ARRB1: variants seen among roughly 807,000 people sequenced by gnomAD.
ARRB1 encodes arrestin beta 1.
Under a neutral mutation model 56.8 loss-of-function variants are expected in ARRB1, and 21 were observed. The observed-to-expected ratio is 0.37, with a 90% CI of 0.26 to 0.53. ARRB1 has a LOEUF of 0.53. ARRB1 is among the 20% of genes least tolerant of loss of function. The pLI is 0.88. For synonymous variants in ARRB1, 210 were observed against 218.6 expected (o/e 0.96, Z 0.35); for missense variants, 424 against 553.7 (o/e 0.77, Z 2.35).
chr11:75,310,510 C>G (rs966624186), intron 1 of ARRB1, among the ~76,000 whole-genome samples: 1 of 152,198 alleles, frequency 6.6e-6, no homozygotes, highest in Admixed American at 6.5e-5. Flanking sequence ...ATTTTATACT[C>G]TCTGTGTATC....
intron 8 of ARRB1, among the ~76,000 whole-genome samples, chr11:75,278,139 T>TG (rs1376094278): frequency 6.6e-6 from 1 of 152,208 alleles, no homozygotes; most frequent in Non-Finnish European, 1.5e-5. Context: ...GCCCACACCT[T>TG]GAGGAGGGGC....
chr11:75,271,651 T>A, intron 13 of ARRB1, 50 bp downstream of exon 13: 1 of 1,542,202 alleles, frequency 6.5e-7, no homozygotes, highest in Non-Finnish European at 8.8e-7. Flanking sequence ...GCCAATGGGC[T>A]CCAGGCCCTC....
rs1218799727 is a variant in ARRB1 at position 75,262,901 on chromosome 11, A to T, written c.*3262T>A. ...AGGTCTGAGCTTTGAGGCTGAGGAGAGGTGCAGCCAAATAACTCAGTCCTT... is the reference window on the plus strand; with the variant it reads ...AGGTCTGAGCTTTGAGGCTGAGGAGTGGTGCAGCCAAATAACTCAGTCCTT... On this transcript the variant is annotated 3_prime_UTR_variant, in exon 16 of 16. Transcript: ENST00000420843. Among the ~76,000 whole-genome samples, 3 of 152,166 alleles carry T rather than the reference A, an allele frequency of 2.0e-5. No homozygotes were observed. The highest frequency in any genetic ancestry group is 7.2e-5 in the African/African-American group (3 of 41,434).
At chr11:75,304,700 C>T (rs1765751525) in intron 1 of ARRB1, among the ~76,000 whole-genome samples, 1 of 151,854 alleles carries the variant, frequency 6.6e-6, no homozygotes, top group African/African-American at 2.4e-5. Context: ...ATGCTGCCTG[C>T]ATAATGCACA....
intron 1 of ARRB1, among the ~76,000 whole-genome samples, chr11:75,317,434 AC>A (rs1426037527): frequency 4.6e-5 from 7 of 150,978 alleles, no homozygotes; most frequent in Non-Finnish European, 8.9e-5. Flanking sequence ...CGGCATCCTC[AC>A]CCCCACACCC....
intron 6 of ARRB1, 136 bp from the exon 7 acceptor site, chr11:75,281,278 T>C: frequency 1.2e-6 from 1 of 846,750 alleles, no homozygotes; most frequent in South Asian, 1.6e-5. Context: ...TTCCTTGGTC[T>C]GGAAGAAGCG....
intron 1 of ARRB1, among the ~76,000 whole-genome samples, chr11:75,339,780 G>A (rs974412661): frequency 6.6e-6 from 1 of 152,188 alleles, no homozygotes; most frequent in South Asian, 2.1e-4. Flanking sequence ...CATATTTCAG[G>A]TGCCCAGCAC....
At chr11:75,333,365 T>G (rs1440679872) in intron 1 of ARRB1, among the ~76,000 whole-genome samples, 1 of 152,220 alleles carries the variant, frequency 6.6e-6, no homozygotes, top group East Asian at 1.9e-4. Flanking sequence ...CTGTTTTCTT[T>G]GGGCCCAGTG....
At chr11:75,277,251 C>T in intron 9 of ARRB1, 113 bp downstream of exon 9, 1 of 1,131,436 alleles carries the variant, frequency 8.8e-7, no homozygotes, top group Non-Finnish European at 1.3e-6. Flanking sequence ...CCCTGGGCTT[C>T]AGTGGCTATT....
In ARRB1 at chr11:75,281,407, G is replaced by A. The variant is rs563344782; in HGVS notation, c.415-265C>T. Among the ~76,000 whole-genome samples, 7 of 152,262 alleles carry A rather than the reference G, an allele frequency of 4.6e-5. No individual in the cohort carries two copies. In the East Asian group the frequency reaches 5.8e-4, roughly 13 times the overall value. On this transcript the variant is annotated intron_variant, in intron 6 of 15. Coordinates refer to ENST00000420843, the MANE Select transcript of ARRB1 (RefSeq NM_004041.5). ...GATTCCTGCCTCAGTCTGGGTGGCC[G>A]TCCTCATCCAGGCAGCTGCCCAGAA... is the stretch of plus-strand genomic sequence containing the variant.
chr11:75,313,951 A>T (rs545078757), intron 1 of ARRB1, among the ~76,000 whole-genome samples: 15 of 152,246 alleles, frequency 9.9e-5, no homozygotes, highest in African/African-American at 3.4e-4. Context: ...CCAGATGCAA[A>T]CCTGATCACG....
intron 1 of ARRB1, among the ~76,000 whole-genome samples, chr11:75,299,941 T>G (rs1946856783): frequency 6.6e-6 from 1 of 152,196 alleles, no homozygotes; most frequent in South Asian, 2.1e-4. Flanking sequence ...GCGCAGTGGC[T>G]GACGCCTGTA....
chr11:75,297,100 A>C lies in ARRB1; in HGVS notation c.21-7061T>G, dbSNP rs190784710. 3.9e-4 allele frequency among the ~76,000 whole-genome samples: 59 copies of C among 152,314 alleles called. 1 individual carries two copies. In the East Asian group the frequency reaches 0.011, roughly 27 times the overall value. Reference sequence around the variant, plus strand: ...ATGAGCTGAACTTTACACTCAATAAATACCCAAAAGAAATAAATGAGAAGA... The same window carrying C: ...ATGAGCTGAACTTTACACTCAATAACTACCCAAAAGAAATAAATGAGAAGA... On this transcript the variant is annotated intron_variant, in intron 1 of 15. Coordinates refer to ENST00000420843, the MANE Select transcript of ARRB1 (RefSeq NM_004041.5).
At chr11:75,337,990 G>A (rs1455487269) in intron 1 of ARRB1, among the ~76,000 whole-genome samples, 1 of 151,924 alleles carries the variant, frequency 6.6e-6, no homozygotes, top group Non-Finnish European at 1.5e-5. Context: ...AGGAAGAAGG[G>A]CATTCCAGCT....
chr11:75,278,548 G>C (rs1199805123), intron 8 of ARRB1, 61 bp downstream of exon 8: 5 of 1,608,724 alleles, frequency 3.1e-6, no homozygotes, highest in Non-Finnish European at 4.2e-6. Context: ...AGAGAGCTGG[G>C]ATCTGAGGCC....
chr11:75,280,595 G>A (rs567983831), intron 7 of ARRB1, among the ~76,000 whole-genome samples: 23 of 152,240 alleles, frequency 1.5e-4, no homozygotes, highest in Admixed American at 1.4e-3. Flanking sequence ...GATGTGGGCC[G>A]ACCTCCCTGT....
intron 6 of ARRB1, 30 bp downstream of exon 6, chr11:75,281,932 C>T (rs1946352247): frequency 6.2e-7 from 1 of 1,610,982 alleles, no homozygotes; most frequent in East Asian, 2.2e-5. Context: ...CTCCTGGAGC[C>T]AGAGAGATGG....
At chr11:75,346,820 C>T (rs1947775277) in intron 1 of ARRB1, among the ~76,000 whole-genome samples, 1 of 152,194 alleles carries the variant, frequency 6.6e-6, no homozygotes, top group African/African-American at 2.4e-5. Flanking sequence ...GTCATTCATC[C>T]ACATTTCCAA....
chr11:75,310,910 C>G (rs760640776), intron 1 of ARRB1, among the ~76,000 whole-genome samples: 2 of 152,220 alleles, frequency 1.3e-5, no homozygotes, highest in African/African-American at 2.4e-5. Context: ...CACACTGCCT[C>G]TGTCCCACCA....
Sources: allele counts gnomAD v4.1 joint callset (sites outside exome capture counted in the v4.1 genomes callset), GRCh38; gene constraint gnomAD v4.1.1; transcripts MANE v1.5; gene names NCBI Gene and HGNC (gene_info 2026-07-23, HGNC 2026-07-21).